SLC12A2: variants seen among roughly 807,000 people sequenced by gnomAD.
The protein encoded by SLC12A2 is solute carrier family 12 member 2, also known as Na-K-2Cl cotransporter 1.
SLC12A2 carries 67 observed loss-of-function variants against 136.3 expected under a neutral mutation model. The ratio of observed to expected loss-of-function variants is 0.49; its 90% confidence interval spans 0.40 to 0.60. The LOEUF (loss-of-function observed/expected upper bound fraction) is 0.60, where lower values mean the gene tolerates loss of function less well. SLC12A2 is among the 20% of genes least tolerant of loss of function. The pLI, the probability that SLC12A2 is intolerant of heterozygous loss-of-function variation, is 0.00. For synonymous variants in SLC12A2, 619 were observed against 562.9 expected (o/e 1.10, Z -1.41); for missense variants, 1,322 against 1,534.7 (o/e 0.86, Z 2.32).
At chr5:128,179,123 T>C (rs547905215) in intron 22 of SLC12A2, among the ~76,000 whole-genome samples, 5 of 152,318 alleles carry the variant, frequency 3.3e-5, no homozygotes, top group Admixed American at 6.5e-5. Flanking sequence ...AATATATGAT[T>C]TTCACCACAT....
Position 128,166,719 on chromosome 5 carries a change from A to G in SLC12A2, c.2617-1042A>G, listed in dbSNP as rs146326692. Among the ~76,000 whole-genome samples the G allele has an allele frequency of 1.1e-3, 168 of 152,238 alleles. 1 individual carries two copies. The East Asian group carries it at 0.029, about 26-fold the overall frequency. ...CTGTTTGGGGTGATGAAAAATGTTT[A>G]GAAATAGATAGTAGTGTTGCTTATA... On this transcript the variant is annotated intron_variant, in intron 17 of 26. Transcript: ENST00000262461.
intron 4 of SLC12A2, among the ~76,000 whole-genome samples, chr5:128,130,083 TTAAG>T (rs1410512620): frequency 2.0e-5 from 3 of 152,074 alleles, no homozygotes; most frequent in African/African-American, 7.2e-5. Flanking sequence ...ATTGTCTTAA[TTAAG>T]TAATTAAAAT....
In SLC12A2 at chr5:128,112,864, A is replaced by C. The variant is rs779336082; in HGVS notation, c.807A>C (p.Arg269Ser). 1.1e-5 allele frequency: 17 copies of C among 1,613,266 alleles called. No individual in the cohort carries two copies. In the South Asian group the frequency reaches 1.9e-4, roughly 18 times the overall value. The change falls in exon 2 of 27, where the codon AGA (arginine) becomes AGC (serine). Residue 269 changes from arginine to serine, a missense_variant. Transcript: ENST00000262461. ...FANGEESTPT[R>S]DAVVTYTAES... ...ATGGGGAAGAAAGTACTCCAACCAG[A>C]GATGCTGTGGTCACGTATACTGCAG...
At chr5:128,109,231 G>A (rs1761049859) in intron 1 of SLC12A2, among the ~76,000 whole-genome samples, 1 of 152,210 alleles carries the variant, frequency 6.6e-6, no homozygotes, top group Non-Finnish European at 1.5e-5. Flanking sequence ...TGAGAAAGAG[G>A]AGCAGCGCAG....
intron 5 of SLC12A2, 67 bp downstream of exon 5, chr5:128,131,273 A>C: frequency 6.6e-7 from 1 of 1,506,708 alleles, no homozygotes; most frequent in Non-Finnish European, 9.2e-7. Flanking sequence ...GCCGATCACC[A>C]TGTTAGAGGT....
At chr5:128,182,453 G>A (rs907205379) in intron 23 of SLC12A2, among the ~76,000 whole-genome samples, 1 of 151,998 alleles carries the variant, frequency 6.6e-6, no homozygotes, top group Non-Finnish European at 1.5e-5. Flanking sequence ...TCATATTTGG[G>A]CCCTGAGATA....
chr5:128,148,536 A>G (rs974033409), intron 11 of SLC12A2, among the ~76,000 whole-genome samples: 1 of 151,780 alleles, frequency 6.6e-6, no homozygotes, highest in African/African-American at 2.4e-5. Context: ...ACATGGGGAT[A>G]GGGTAAGGCA....
At position 128,188,289 on chromosome 5, in the gene SLC12A2, CTTTTTTTTTTTTTT is replaced by C. The variant is rs71949635; in HGVS notation, c.*1669_*1682del. ...AAATTTATGCAGGTTTTCACGAATC[CTTTTTTTTTTTTTT>C]TTTTTTTTTTGAGACGGAGTCTTGC... On this transcript the variant is annotated 3_prime_UTR_variant, in exon 27 of 27. Coordinates refer to ENST00000262461, the MANE Select transcript of SLC12A2 (RefSeq NM_001046.3). 2.3e-5 allele frequency: 2 copies of C among 85,540 alleles called. No individual in the cohort carries two copies. Among genetic ancestry groups the C allele is most frequent in the South Asian group, 4.4e-4 (1 of 2,270 alleles). 5.3% of individuals were successfully genotyped at this position (85,540 alleles called of 1,614,324 possible).
chr5:128,110,569 C>A, intron 1 of SLC12A2: 1 of 1,180,604 alleles, frequency 8.5e-7, no homozygotes, highest in Non-Finnish European at 1.3e-6. Flanking sequence ...TTTCTTCAAG[C>A]ATAAGTATCA....
Position 128,174,558 on chromosome 5 carries a change from CAA to C in SLC12A2, c.2822_2823del (p.Gln941ArgfsTer16). ...LQGQEELLSS[Q>X]EKSPGTKDVV... ...GTCTACAGAAGAATTATTGTCATCA[CAA>C]GAGAAATCTCCTGGCACCAAGGATG... On this transcript the variant is annotated frameshift_variant, in exon 20 of 27. Transcript: ENST00000262461. LOFTEE classifies it high-confidence loss of function. 1 of 1,605,204 alleles carries C rather than the reference CAA, an allele frequency of 6.2e-7. No individual in the cohort carries two copies. The highest frequency in any genetic ancestry group is 8.5e-7 in the Non-Finnish European group (1 of 1,175,158).
rs182709738 is a variant in SLC12A2, at chr5:128,118,613, A to G, written c.1048+3932A>G. 5.3e-3 allele frequency among the ~76,000 whole-genome samples: 800 copies of G among 152,298 alleles called. 4 individuals carry two copies. The highest frequency in any genetic ancestry group is 9.1e-3 in the Non-Finnish European group (616 of 68,018). On this transcript the variant is annotated intron_variant, in intron 4 of 26. Coordinates refer to ENST00000262461, the MANE Select transcript of SLC12A2 (RefSeq NM_001046.3). ...GAGGGATAAAAGGCCACACAACCACACATTGGGTATAGTGTATGCTGCTTG... is the reference window on the plus strand; with the variant it reads ...GAGGGATAAAAGGCCACACAACCACGCATTGGGTATAGTGTATGCTGCTTG...
chr5:128,164,555 G>T (rs981560552), intron 17 of SLC12A2, among the ~76,000 whole-genome samples: 1 of 152,190 alleles, frequency 6.6e-6, no homozygotes, highest in African/African-American at 2.4e-5. Flanking sequence ...GTGAATTGCT[G>T]CTGAGAGTAT....
chr5:128,163,929 T>C (rs1218925368), intron 17 of SLC12A2, among the ~76,000 whole-genome samples: 1 of 152,190 alleles, frequency 6.6e-6, no homozygotes, highest in Non-Finnish European at 1.5e-5. Context: ...ATGTGAAATA[T>C]TGAAATATTT....
chr5:128,186,565 T>C lies in SLC12A2; in HGVS notation c.3573T>C (p.Ser1191=). ...ALYMAWLEAL[S]KDLPPILLVR... ...ACATGGCATGGTTAGAAGCTCTATC[T>C]AAGGACCTACCACCAATCCTCCTAG... Residue 1191 remains serine (S), a synonymous_variant, in exon 27 of 27, where the codon TCT becomes TCC. Coordinates refer to ENST00000262461, the MANE Select transcript of SLC12A2 (RefSeq NM_001046.3). 6.2e-7 allele frequency: 1 copy of C among 1,613,852 alleles called. No homozygotes were observed. The highest frequency in any genetic ancestry group is 8.5e-7 in the Non-Finnish European group (1 of 1,179,922).
Position 128,112,908 on chromosome 5 carries a change from A to G in SLC12A2, c.851A>G (p.Lys284Arg). ...ACTGCAGAAAGTAAAGGAGTCGTGA[A>G]GTTTGGCTGGATCAAGGGTGTATTA... ...TYTAESKGVV[K>R]FGWIKGVLVR... is the part of the protein sequence containing the mutation. The change falls in exon 2 of 27, where the codon AAG (lysine) becomes AGG (arginine). Residue 284 changes from lysine to arginine, a missense_variant. Lys to Arg is a conservative substitution (Grantham distance 26, BLOSUM62 2). Around this residue, in one of 8 missense-constraint regions of SLC12A2, gnomAD observed 59 missense variants for 51.5 expected, o/e 1.15. Coordinates refer to ENST00000262461, the MANE Select transcript of SLC12A2 (RefSeq NM_001046.3). 6.2e-7 allele frequency: 1 copy of G among 1,612,954 alleles called. No homozygotes were observed.
chr5:128,182,746 G>A (rs1763743797), intron 23 of SLC12A2, 109 bp from the exon 24 acceptor site: 1 of 684,448 alleles, frequency 1.5e-6, no homozygotes, highest in Non-Finnish European at 2.5e-6. Flanking sequence ...ATATTGTTTA[G>A]CATATGATAG....
chr5:128,139,123 C>G (rs1762274444), intron 9 of SLC12A2, among the ~76,000 whole-genome samples: 1 of 151,876 alleles, frequency 6.6e-6, no homozygotes, highest in South Asian at 2.1e-4. Flanking sequence ...TATGGTATCT[C>G]CAGGATTTTT....
In SLC12A2 at chr5:128,084,173, G is replaced by T. The variant is rs1759948298; in HGVS notation, c.219G>T (p.Gly73=). The T allele has an allele frequency of 1.5e-6, 2 of 1,296,290 alleles. No individual in the cohort carries two copies. The highest frequency in any genetic ancestry group is 1.9e-6 in the Non-Finnish European group (2 of 1,030,352). 80.3% of individuals were successfully genotyped at this position (1,296,290 alleles called of 1,614,324 possible). ...AAGDGLGRPL[G]PTPSQSRFQV... ...GGGACGGGCTGGGCAGACCCTTGGGGCCCACCCCGAGCCAGAGCCGTTTCC... is the reference window on the plus strand; with the variant it reads ...GGGACGGGCTGGGCAGACCCTTGGGTCCCACCCCGAGCCAGAGCCGTTTCC... Residue 73 remains glycine (G), a synonymous_variant, in exon 1 of 27, where the codon GGG becomes GGT. Coordinates refer to ENST00000262461, the MANE Select transcript of SLC12A2 (RefSeq NM_001046.3). This position sits in a 1 kb window ranked among gnomAD's most constrained non-coding sequence, Gnocchi z 5.6.
Position 128,141,849 on chromosome 5 carries a change from T to G in SLC12A2, c.1641T>G (p.Asp547Glu), listed in dbSNP as rs772642504. The change falls in exon 10 of 27, where the codon GAT becomes GAG. Residue 547 changes from aspartate to glutamate, a missense_variant. Physicochemically the swap from Asp to Glu is conservative, Grantham distance 45. Transcript: ENST00000262461. ...CTTTAGGTTCTTGTGTTGTTCGAGATGCCACTGGAAACGTTAATGACACTA... is the reference window on the plus strand; with the variant it reads ...CTTTAGGTTCTTGTGTTGTTCGAGAGGCCACTGGAAACGTTAATGACACTA... ...AVSVGSCVVR[D>E]ATGNVNDTIV... 7.4e-6 allele frequency: 12 copies of G among 1,613,136 alleles called. No homozygotes were observed. In the Admixed American group the frequency reaches 2.0e-4, roughly 27 times the overall value.
Sources: gnomAD v4.1 joint callset for allele counts (sites outside exome capture counted in the v4.1 genomes callset) on GRCh38, gnomAD v4.1.1 for gene constraint, gnomAD v4.1.1 regional missense constraint, Gnocchi (gnomAD v3.1) non-coding constraint, MANE v1.5 for transcripts, NCBI Gene and HGNC (gene_info 2026-07-23, HGNC 2026-07-21) for gene names.